PCDH9: variants seen among roughly 807,000 people sequenced by gnomAD.
PCDH9 encodes protocadherin 9.
A neutral mutation model predicts 70.6 loss-of-function variants in PCDH9; 24 were observed. That is an observed-to-expected ratio of 0.34 (90% CI 0.25 to 0.48). The LOEUF (loss-of-function observed/expected upper bound fraction) is 0.48. PCDH9 is among the 20% of genes least tolerant of loss of function. The probability of loss-of-function intolerance (pLI) is 0.99; values close to 1 mark genes in which losing one functional copy is unlikely to be tolerated. For missense variants in PCDH9, 1,281 were observed against 1,503.6 expected (o/e 0.85, Z 2.45); for synonymous variants, 562 against 558.5 (o/e 1.01, Z -0.09).
At chr13:66,897,369 G>T (rs934303899) in intron 3 of PCDH9, among the ~76,000 whole-genome samples, 1 of 152,024 alleles carries the variant, frequency 6.6e-6, no homozygotes, top group African/African-American at 2.4e-5. Flanking sequence ...CTCTAAAGAA[G>T]TCTCAACTTT....
Position 66,825,492 on chromosome 13 carries a change from A to G in PCDH9, c.3138+78012T>C, listed in dbSNP as rs569783072. On this transcript the variant is annotated intron_variant, in intron 3 of 4. Transcript: ENST00000377865. ...GCTGGGACTACAGGCGCGCGCCACCATGCCCGGCTAATTTTTGTATTTTTA... is the reference window on the plus strand; with the variant it reads ...GCTGGGACTACAGGCGCGCGCCACCGTGCCCGGCTAATTTTTGTATTTTTA... Among the ~76,000 whole-genome samples, 1,341 of 150,158 alleles carry G rather than the reference A, an allele frequency of 8.9e-3. 5 individuals carry two copies. Among genetic ancestry groups the G allele is most frequent in the Non-Finnish European group, 0.013 (882 of 67,510 alleles).
chr13:66,996,803 G>A (rs908471625), intron 2 of PCDH9, among the ~76,000 whole-genome samples: 10 of 152,156 alleles, frequency 6.6e-5, no homozygotes, highest in African/African-American at 2.4e-4. Flanking sequence ...AAAAGAAAAA[G>A]CTAACAAGTT....
At chr13:66,960,549 G>T (rs1460751136) in intron 2 of PCDH9, among the ~76,000 whole-genome samples, 5 of 152,092 alleles carry the variant, frequency 3.3e-5, no homozygotes, top group Non-Finnish European at 7.4e-5. Context: ...AATAATGAAG[G>T]TCACTCTCAT....
intron 3 of PCDH9, among the ~76,000 whole-genome samples, chr13:66,736,810 A>C (rs777586477): frequency 6.6e-6 from 1 of 152,080 alleles, no homozygotes; most frequent in Non-Finnish European, 1.5e-5. Context: ...CTTCCTTTAC[A>C]CCTATCTGAA....
chr13:67,062,144 G>A (rs2085551137), intron 2 of PCDH9, among the ~76,000 whole-genome samples: 1 of 152,074 alleles, frequency 6.6e-6, no homozygotes. Context: ...GTTTCACCTG[G>A]CCCCAAGTGA....
At chr13:66,733,067 T>A (rs999900023) in intron 3 of PCDH9, among the ~76,000 whole-genome samples, 36 of 152,226 alleles carry the variant, frequency 2.4e-4, no homozygotes, top group Admixed American at 9.8e-4. Context: ...GGTCCACCAT[T>A]GAGAAAACAA....
intron 3 of PCDH9, among the ~76,000 whole-genome samples, chr13:66,780,124 T>C (rs1306986293): frequency 6.6e-6 from 1 of 151,884 alleles, no homozygotes; most frequent in Non-Finnish European, 1.5e-5. Context: ...AAGAAAGGGG[T>C]ATCTATGTGA....
chr13:66,750,127 A>G (rs1594005323), intron 3 of PCDH9, among the ~76,000 whole-genome samples: 2 of 152,120 alleles, frequency 1.3e-5, no homozygotes, highest in East Asian at 3.8e-4. Flanking sequence ...AATGAGGAGT[A>G]AGATATCTTA....
intron 4 of PCDH9, among the ~76,000 whole-genome samples, chr13:66,362,276 G>A (rs1956483826): frequency 6.6e-6 from 1 of 152,142 alleles, no homozygotes; most frequent in Non-Finnish European, 1.5e-5. Context: ...ATTCTCCAGT[G>A]AGATATAGAT....
At chr13:66,757,354 A>T (rs2079553103) in intron 3 of PCDH9, among the ~76,000 whole-genome samples, 1 of 152,038 alleles carries the variant, frequency 6.6e-6, no homozygotes, top group Admixed American at 6.6e-5. Flanking sequence ...CTTTACTCTT[A>T]TTGTATTCTT....
chr13:66,592,081 T>C (rs1008818542), intron 4 of PCDH9, among the ~76,000 whole-genome samples: 1 of 151,708 alleles, frequency 6.6e-6, no homozygotes, highest in Non-Finnish European at 1.5e-5. Flanking sequence ...TCTGTAGTAG[T>C]ACTTATCAAT....
chr13:67,151,457 G>T (rs1426937528), intron 2 of PCDH9, among the ~76,000 whole-genome samples: 1 of 152,008 alleles, frequency 6.6e-6, no homozygotes, highest in Non-Finnish European at 1.5e-5. Flanking sequence ...AAGCAGAATT[G>T]GGTTCTACTG....
At chr13:66,918,129 C>A (rs1163784849) in intron 2 of PCDH9, among the ~76,000 whole-genome samples, 1 of 151,184 alleles carries the variant, frequency 6.6e-6, no homozygotes, top group African/African-American at 2.4e-5. Flanking sequence ...ATAACAGAAT[C>A]CAACTGTAGC....
At chr13:66,874,930 T>TGTGTGG (rs1457085377) in intron 3 of PCDH9, among the ~76,000 whole-genome samples, 1 of 136,698 alleles carries the variant, frequency 7.3e-6, no homozygotes, top group Non-Finnish European at 1.6e-5. Context: ...TGTGTGTGTG[T>TGTGTGG]GTGTGTGTGT....
intron 2 of PCDH9, among the ~76,000 whole-genome samples, chr13:67,058,521 T>C (rs935166027): frequency 1.3e-5 from 2 of 152,266 alleles, no homozygotes; most frequent in Non-Finnish European, 2.9e-5. Context: ...CTACCACTGA[T>C]AAACCAAAAG....
intron 3 of PCDH9, among the ~76,000 whole-genome samples, chr13:66,833,805 C>T (rs1423559256): frequency 3.9e-5 from 6 of 152,070 alleles, no homozygotes; most frequent in South Asian, 4.1e-4. Flanking sequence ...TTGGAGAGGA[C>T]GAAGAAACCA....
chr13:66,614,855 T>A (rs1278776065), intron 4 of PCDH9, among the ~76,000 whole-genome samples: 3 of 152,344 alleles, frequency 2.0e-5, no homozygotes, highest in African/African-American at 7.2e-5. Flanking sequence ...GCGTCCACCC[T>A]ACTGGCTGTG....
chr13:66,955,237 T>C (rs2083249223), intron 2 of PCDH9, among the ~76,000 whole-genome samples: 3 of 152,190 alleles, frequency 2.0e-5, no homozygotes, highest in African/African-American at 4.8e-5. Context: ...ATCAATCAAA[T>C]GTTGGTCACC....
intron 3 of PCDH9, among the ~76,000 whole-genome samples, chr13:66,829,107 T>C (rs1162153234): frequency 6.6e-6 from 1 of 152,108 alleles, no homozygotes; most frequent in East Asian, 1.9e-4. Context: ...AACCTCCGCC[T>C]CCTGGGTTCA....
Sources: allele counts gnomAD v4.1 joint callset (sites outside exome capture counted in the v4.1 genomes callset), GRCh38; gene constraint gnomAD v4.1.1; transcripts MANE v1.5; gene names NCBI Gene and HGNC (gene_info 2026-07-23, HGNC 2026-07-21).